Variants in SPEG observed in about 807,000 individuals in gnomAD.
SPEG encodes striated muscle preferentially expressed protein kinase.
SPEG carries 114 observed loss-of-function variants against 300.4 expected under a neutral mutation model. The observed-to-expected ratio is 0.38, with a 90% confidence interval of 0.33 to 0.44. The LOEUF is 0.44. SPEG is among the 20% of genes least tolerant of loss of function. SPEG has a pLI of 1.00. For synonymous variants in SPEG, 1,964 were observed against 2,018.9 expected (o/e 0.97, Z 0.73); for missense variants, 4,201 against 4,586.2 (o/e 0.92, Z 2.43).
In SPEG at chr2:219,466,297, CCACAGA is replaced by C. The variant is rs1300361040; in HGVS notation, c.2882-876_2882-871del. On this transcript the variant is annotated intron_variant, in intron 9 of 40. Transcript: ENST00000312358. ...CACATGGCTGTGCAGGCCAGGAGGC[CCACAGA>C]TGGACTGAGTGCTGGGAAGGGGCGG... 4.9e-6 allele frequency: 7 copies of C among 1,420,370 alleles called. No homozygotes were observed. In the African/African-American group the frequency reaches 1.0e-4, roughly 20 times the overall value. The allele number at this position is 1,420,370 out of a possible 1,614,324, so 88.0% of individuals were successfully genotyped here. A position where few individuals can be genotyped will look rare whatever the true frequency, so the allele number is the denominator to read the frequency against.
At chr2:219,460,310 A>G (rs1356566987) in intron 6 of SPEG, 2 of 985,310 alleles carry the variant, frequency 2.0e-6, no homozygotes, top group South Asian at 4.7e-5. Context: ...TTCGGGGCCA[A>G]AGAAAACAGG....
At chr2:219,455,113 A>C (rs748239334) in intron 6 of SPEG, among the ~76,000 whole-genome samples, 1 of 152,198 alleles carries the variant, frequency 6.6e-6, no homozygotes, top group African/African-American at 2.4e-5. Flanking sequence ...AAATAAATAA[A>C]TAAATAAAAA....
At chr2:219,440,992 G>A (rs1216978516) in intron 1 of SPEG, among the ~76,000 whole-genome samples, 1 of 152,216 alleles carries the variant, frequency 6.6e-6, no homozygotes, top group African/African-American at 2.4e-5. Context: ...TAAGTGATAG[G>A]ACTTCTCTGA....
At chr2:219,474,032 A>G in intron 18 of SPEG, 129 bp downstream of exon 18, 1 of 858,958 alleles carries the variant, frequency 1.2e-6, no homozygotes, top group Admixed American at 2.8e-5. Flanking sequence ...AGGCCTGTCC[A>G]TGTCATGGCT....
In SPEG at chr2:219,461,633, T is replaced by C. The variant is rs1310454636; in HGVS notation, c.2441-249T>C. ...TGCCCGAACCCTTTGCCCCAGGCCT[T>C]TCCCTATGGTGTCCCCTCCTGGGAG... is the stretch of plus-strand genomic sequence containing the variant. On this transcript the variant is annotated intron_variant, in intron 6 of 40. Transcript: ENST00000312358. 4.4e-6 allele frequency: 4 copies of C among 899,964 alleles called. No homozygotes were observed. In the African/African-American group the frequency reaches 5.3e-5, roughly 12 times the overall value. 55.7% of individuals were successfully genotyped at this position (899,964 alleles called of 1,614,324 possible). A position where few individuals can be genotyped will look rare whatever the true frequency, so the allele number is the denominator to read the frequency against.
chr2:219,463,204 A>G (rs1418141242), intron 8 of SPEG, among the ~76,000 whole-genome samples: 1 of 151,234 alleles, frequency 6.6e-6, no homozygotes, highest in Non-Finnish European at 1.5e-5. Flanking sequence ...GCAAGACCCT[A>G]TTGCTGAAAA....
chr2:219,465,813 GC>G, intron 9 of SPEG: 1 of 600,896 alleles, frequency 1.7e-6, no homozygotes, highest in Non-Finnish European at 3.0e-6. Flanking sequence ...GTGCATGTGT[GC>G]GTGTGCGTGC....
Position 219,483,745 on chromosome 2 carries a change from C to A in SPEG, c.6282C>A (p.Ser2094Arg). Residue 2094 changes from serine to arginine, a missense_variant, in exon 30 of 41, where the codon AGC (serine) becomes AGA (arginine). This residue lies in a region of SPEG where 1,578 missense variants were observed against 1,506.0 expected (regional missense o/e 1.05). Coordinates refer to ENST00000312358, the MANE Select transcript of SPEG (RefSeq NM_005876.5). ...VSGLRGPLLE[S>R]LGGRARDPRM... is the part of the protein sequence containing the mutation. ...GCCTCAGGGGTCCCCTGCTGGAGAG[C>A]CTGGGGGGCCGTGCTCGGGACCCCC... The A allele has an allele frequency of 6.5e-7, 1 of 1,539,574 alleles. No homozygotes were observed.
chr2:219,461,808 G>C, intron 6 of SPEG, 74 bp from the exon 7 acceptor site: 6 of 1,493,918 alleles, frequency 4.0e-6, no homozygotes, highest in Middle Eastern at 1.7e-4. Flanking sequence ...CTGGGCTCTG[G>C]GCGACATTCC....
At chr2:219,489,269 A>G in intron 35 of SPEG, 48 bp downstream of exon 35, 1 of 1,613,050 alleles carries the variant, frequency 6.2e-7, no homozygotes, top group Non-Finnish European at 8.5e-7. Flanking sequence ...CTCTGAGCCT[A>G]GGGTTCTTGT....
chr2:219,447,999 A>C lies in SPEG; in HGVS notation c.841A>C (p.Arg281=), dbSNP rs977541259. ...CAGCGTCCCTCAGAGCGGGTTGCGCAGGGAGGAGCCCGACCTTCAGCCTCA... is the reference window on the plus strand; with the variant it reads ...CAGCGTCCCTCAGAGCGGGTTGCGCCGGGAGGAGCCCGACCTTCAGCCTCA... ...HVSVPQSGLR[R]EEPDLQPQLA... Residue 281 remains arginine, a synonymous_variant, in exon 4 of 41, where the codon AGG becomes CGG. Coordinates refer to ENST00000312358, the MANE Select transcript of SPEG (RefSeq NM_005876.5). The C allele has an allele frequency of 1.2e-6, 2 of 1,612,546 alleles. No individual in the cohort carries two copies. Among genetic ancestry groups the C allele is most frequent in the African/African-American group, 2.7e-5 (2 of 75,034 alleles).
In SPEG at chr2:219,445,264, C is replaced by G; in HGVS notation, c.815+103C>G. ...CCTCCACCCATCACCCTGCCCCATC[C>G]ATCTCTCTGTGCATTTCTTCACCCC... On this transcript the variant is annotated intron_variant, in intron 3 of 40. Coordinates refer to ENST00000312358, the MANE Select transcript of SPEG (RefSeq NM_005876.5). This position sits in a 1 kb window ranked among gnomAD's most constrained non-coding sequence, Gnocchi z 6.1. 9.0e-7 allele frequency: 1 copy of G among 1,108,814 alleles called. No homozygotes were observed. The highest frequency in any genetic ancestry group is 2.0e-5 in the Admixed American group (1 of 49,338). 68.7% of individuals were successfully genotyped at this position (1,108,814 alleles called of 1,614,324 possible). A position where few individuals can be genotyped will look rare whatever the true frequency, so the allele number is the denominator to read the frequency against.
rs770022669 is a variant in SPEG, at chr2:219,464,394, C to T, written c.2706-39C>T. ...CCAGTTCCTGTGCACGCACATCAGG[C>T]CCCTGGGCCCTGGGACTGAGTTCTT... On this transcript the variant is annotated intron_variant, in intron 8 of 40. Transcript: ENST00000312358. This position sits in a 1 kb window ranked among gnomAD's most constrained non-coding sequence, Gnocchi z 4.5. The T allele has an allele frequency of 1.9e-6, 3 of 1,582,720 alleles. No individual in the cohort carries two copies. Among genetic ancestry groups the T allele is most frequent in the South Asian group, 1.1e-5 (1 of 87,712 alleles).
rs1341602626 is a variant in SPEG, at chr2:219,448,609, G to A, written c.1451G>A (p.Arg484His). The change falls in exon 4 of 41, where the codon CGC (arginine) becomes CAC (histidine). Residue 484 changes from arginine to histidine, a missense_variant. Coordinates refer to ENST00000312358, the MANE Select transcript of SPEG (RefSeq NM_005876.5). ...AASLDERTRQ[R>H]SPASDLELRF... ...TCGCTGGACGAGCGCACGCGTCAGC[G>A]CAGCCCGGCCTCAGACCTCGAGCTG... is the stretch of plus-strand genomic sequence containing the variant. The A allele has an allele frequency of 3.4e-6, 5 of 1,474,816 alleles. No individual in the cohort carries two copies. In the South Asian group the frequency reaches 3.9e-5, roughly 11 times the overall value. The allele number at this position is 1,474,816 out of a possible 1,614,324, so 91.4% of individuals were successfully genotyped here. A position where few individuals can be genotyped will look rare whatever the true frequency, so the allele number is the denominator to read the frequency against.
chr2:219,480,845 GTCTGCATGCCCACAC>G lies in SPEG; in HGVS notation c.5369+154_5369+168del. The stretch of plus-strand genomic sequence containing the variant: ...CATGTGCATGAAGGTGGACACCCCT[GTCTGCATGCCCACAC>G]TCTGCCTGTCCCCACACCCCTCCAT... On this transcript the variant is annotated intron_variant, in intron 26 of 40. Coordinates refer to ENST00000312358, the MANE Select transcript of SPEG (RefSeq NM_005876.5). The surrounding 1 kb of genome is among the most constrained non-coding windows in gnomAD (Gnocchi z 5.3). The G allele has an allele frequency of 1.3e-6, 1 of 767,392 alleles. No individual in the cohort carries two copies. Among genetic ancestry groups the G allele is most frequent in the South Asian group, 1.6e-5 (1 of 63,746 alleles). 47.5% of individuals were successfully genotyped at this position (767,392 alleles called of 1,614,324 possible).
chr2:219,481,511 C>T lies in SPEG; in HGVS notation c.5522+55C>T. Reference sequence around the variant, plus strand: ...TGCAGGGTCACCCTCATACCACCTGCCTGCTACTCCCAAACTCCTGCCCCT... The same window carrying T: ...TGCAGGGTCACCCTCATACCACCTGTCTGCTACTCCCAAACTCCTGCCCCT... On this transcript the variant is annotated intron_variant, in intron 27 of 40. Coordinates refer to ENST00000312358, the MANE Select transcript of SPEG (RefSeq NM_005876.5). This position sits in a 1 kb window ranked among gnomAD's most constrained non-coding sequence, Gnocchi z 5.4. The T allele has an allele frequency of 6.2e-7, 1 of 1,607,882 alleles. No individual in the cohort carries two copies. Among genetic ancestry groups the T allele is most frequent in the East Asian group, 2.2e-5 (1 of 44,790 alleles).
At position 219,464,579 on chromosome 2, in the gene SPEG, G is replaced by C. The variant is rs1246186625; in HGVS notation, c.2852G>C (p.Arg951Pro). ...AAAGCGGTCAATGAGTATGGTGCTC[G>C]GCAGTGCGAGGCCCGCTTGGAGGTC... ...TCKAVNEYGA[R>P]QCEARLEVRA... The change falls in exon 9 of 41, where the codon CGG becomes CCG. Residue 951 changes from arginine (R) to proline (P), a missense_variant. Around this residue, in one of 4 missense-constraint regions of SPEG, gnomAD observed 1,047 missense variants for 1,356.8 expected, o/e 0.77. Transcript: ENST00000312358. The surrounding 1 kb of genome is among the most constrained non-coding windows in gnomAD (Gnocchi z 4.5). 9.3e-6 allele frequency: 15 copies of C among 1,614,206 alleles called. No individual in the cohort carries two copies. Among genetic ancestry groups the C allele is most frequent in the Non-Finnish European group, 1.3e-5 (15 of 1,180,012 alleles).
chr2:219,479,290 C>A lies in SPEG; in HGVS notation c.5085+89C>A. On this transcript the variant is annotated intron_variant, in intron 23 of 40. Coordinates refer to ENST00000312358, the MANE Select transcript of SPEG (RefSeq NM_005876.5). The surrounding 1 kb of genome is among the most constrained non-coding windows in gnomAD (Gnocchi z 5.5). ...ACCAACAAATGGGTCCTGAGTGTGC[C>A]ATCTGTGCCCACAGGAAGCCAGGGG... 8.7e-7 allele frequency: 1 copy of A among 1,142,884 alleles called. No homozygotes were observed. The highest frequency in any genetic ancestry group is 1.3e-5 in the South Asian group (1 of 77,974). 70.8% of individuals were successfully genotyped at this position (1,142,884 alleles called of 1,614,324 possible).
At position 219,481,902 on chromosome 2, in the gene SPEG, A is replaced by AT. The variant is rs1692881736; in HGVS notation, c.5565+223dup. Among the ~76,000 whole-genome samples, 1 of 152,186 alleles carries AT rather than the reference A, an allele frequency of 6.6e-6. No homozygotes were observed. Among genetic ancestry groups the AT allele is most frequent in the Non-Finnish European group, 1.5e-5 (1 of 68,038 alleles). The stretch of plus-strand genomic sequence containing the variant: ...ATCAGTGATGGAGTTGGGGGTATAC[A>AT]TACTGGACTCCAGGGCATACGTCTG... On this transcript the variant is annotated intron_variant, in intron 28 of 40. Transcript: ENST00000312358. The surrounding 1 kb of genome is among the most constrained non-coding windows in gnomAD (Gnocchi z 5.4).
Sources: gnomAD v4.1 joint callset for allele counts (sites outside exome capture counted in the v4.1 genomes callset) on GRCh38, gnomAD v4.1.1 for gene constraint, gnomAD v4.1.1 regional missense constraint, Gnocchi (gnomAD v3.1) non-coding constraint, MANE v1.5 for transcripts, NCBI Gene and HGNC (gene_info 2026-07-23, HGNC 2026-07-21) for gene names.